CDC14B: variants seen among roughly 807,000 people sequenced by gnomAD.
The protein encoded by CDC14B is cell division cycle 14B.
Under a neutral mutation model 64.2 loss-of-function variants are expected in CDC14B, and 22 were observed. The observed-to-expected ratio is 0.34, with a 90% confidence interval of 0.24 to 0.49. The LOEUF (loss-of-function observed/expected upper bound fraction) is 0.49. CDC14B is among the 20% of genes least tolerant of loss of function. The pLI is 0.99. For synonymous variants in CDC14B, 191 were observed against 215.8 expected (o/e 0.89, Z 1.01); for missense variants, 498 against 629.9 (o/e 0.79, Z 2.24).
chr9:96,510,083 G>T (rs1834708520), intron 12 of CDC14B, among the ~76,000 whole-genome samples: 1 of 152,156 alleles, frequency 6.6e-6, no homozygotes, highest in Non-Finnish European at 1.5e-5. Context: ...ACCAGCTAAA[G>T]AAATCTTTGT....
At chr9:96,589,617 A>C (rs1845664990) in intron 1 of CDC14B, among the ~76,000 whole-genome samples, 1 of 152,178 alleles carries the variant, frequency 6.6e-6, no homozygotes, top group Non-Finnish European at 1.5e-5. Context: ...TAGAATATTA[A>C]GATTAGTCTG....
intron 5 of CDC14B, among the ~76,000 whole-genome samples, chr9:96,548,456 A>G (rs1477265707): frequency 1.3e-5 from 2 of 152,178 alleles, no homozygotes; most frequent in South Asian, 2.1e-4. Context: ...AATATTTAAT[A>G]TAACTCAATA....
rs759467017 is a variant in CDC14B at position 96,522,589 on chromosome 9, G to A, written c.1260C>T (p.Asp420=). 2.9e-5 allele frequency: 47 copies of A among 1,609,692 alleles called. No homozygotes were observed. The South Asian group carries it at 3.2e-4, about 11-fold the overall frequency. Residue 420 remains aspartate (D), a synonymous_variant, in exon 12 of 14, where the codon GAC becomes GAT. Transcript: ENST00000375241. The part of the protein sequence containing the change: ...QQEPEPYSDD[D]EINGVTQGDR... Reference sequence around the variant, plus strand: ...CACCTTGTGTCACTCCATTGATTTCGTCATCATCACTGTACTGTGTAAGTA... The same window carrying A: ...CACCTTGTGTCACTCCATTGATTTCATCATCATCACTGTACTGTGTAAGTA...
In CDC14B at chr9:96,547,833, G is replaced by GT. The variant is rs1309475699; in HGVS notation, c.497+3962dup. Among the ~76,000 whole-genome samples, 133 of 147,148 alleles carry GT rather than the reference G, an allele frequency of 9.0e-4. 1 individual carries two copies. The highest frequency in any genetic ancestry group is 2.0e-3 in the South Asian group (9 of 4,592). ...AGAATGTATTATTGTTTCTGTTTCT[G>GT]TTTTTTTTTTGAGATGGAGCCTCGC... is the stretch of plus-strand genomic sequence containing the variant. On this transcript the variant is annotated intron_variant, in intron 5 of 13. Transcript: ENST00000375241.
In CDC14B at chr9:96,503,702, T is replaced by C; in HGVS notation, c.*51A>G. 6.6e-7 allele frequency: 1 copy of C among 1,511,564 alleles called. No individual in the cohort carries two copies. The highest frequency in any genetic ancestry group is 9.1e-7 in the Non-Finnish European group (1 of 1,095,874). 93.6% of individuals were successfully genotyped at this position (1,511,564 alleles called of 1,614,324 possible). ...GTTTTCAAATTGTGCTAATTTCTGT[T>C]GCAGTTTTCAGTCCTAGAGTCTTCC... On this transcript the variant is annotated 3_prime_UTR_variant, in exon 14 of 14. Coordinates refer to ENST00000375241, the MANE Select transcript of CDC14B (RefSeq NM_033331.4).
chr9:96,561,481 CCT>C (rs915189413), intron 4 of CDC14B, among the ~76,000 whole-genome samples: 3 of 151,700 alleles, frequency 2.0e-5, no homozygotes, highest in African/African-American at 7.3e-5. Flanking sequence ...CAAAAACAAC[CCT>C]GTTTTTCTTT....
At chr9:96,494,187 C>G (rs1351634481) in intron 13 of CDC14B, among the ~76,000 whole-genome samples, 1 of 152,230 alleles carries the variant, frequency 6.6e-6, no homozygotes, top group Non-Finnish European at 1.5e-5. Flanking sequence ...AAACCAGATT[C>G]AGTCCCTGAG....
chr9:96,565,298 T>C (rs1278235515), intron 2 of CDC14B, 95 bp downstream of exon 2: 3 of 721,196 alleles, frequency 4.2e-6, no homozygotes, highest in African/African-American at 3.6e-5. Context: ...TAGCAATCAA[T>C]AGATTTATAA....
At chr9:96,543,161 C>T (rs1220503141) in intron 5 of CDC14B, among the ~76,000 whole-genome samples, 1 of 152,084 alleles carries the variant, frequency 6.6e-6, no homozygotes, top group African/African-American at 2.4e-5. Flanking sequence ...ACGGTGAAAC[C>T]CTGTCTCTAC....
chr9:96,523,517 A>G (rs1837079930), intron 10 of CDC14B, 70 bp downstream of exon 10: 1 of 1,603,716 alleles, frequency 6.2e-7, no homozygotes. Flanking sequence ...AAACTAAAGG[A>G]AATTCCACTC....
At chr9:96,617,875 T>G (rs1269941393) in intron 1 of CDC14B, among the ~76,000 whole-genome samples, 1 of 152,208 alleles carries the variant, frequency 6.6e-6, no homozygotes, top group Admixed American at 6.5e-5. Flanking sequence ...AGAAACTATG[T>G]ATAGGCCCAC....
chr9:96,523,956 C>T (rs900544002), intron 9 of CDC14B, among the ~76,000 whole-genome samples: 5 of 152,184 alleles, frequency 3.3e-5, no homozygotes, highest in East Asian at 3.8e-4. Flanking sequence ...ATTTTTGAGA[C>T]GGAGTCTCAC....
At chr9:96,579,222 A>C (rs549021297) in intron 1 of CDC14B, among the ~76,000 whole-genome samples, 1 of 152,298 alleles carries the variant, frequency 6.6e-6, no homozygotes, top group African/African-American at 2.4e-5. Flanking sequence ...ACGTGACTAC[A>C]GGGAATAGGG....
intron 1 of CDC14B, among the ~76,000 whole-genome samples, chr9:96,574,310 A>C (rs375921323): frequency 6.6e-6 from 1 of 152,202 alleles, no homozygotes; most frequent in Non-Finnish European, 1.5e-5. Context: ...GGGACATTAC[A>C]AATCAATGGG....
chr9:96,552,248 G>T (rs1841929284), intron 4 of CDC14B, among the ~76,000 whole-genome samples: 1 of 152,210 alleles, frequency 6.6e-6, no homozygotes. Flanking sequence ...TGGGGATGGG[G>T]TTAGACTGGG....
chr9:96,509,720 A>G lies in CDC14B; in HGVS notation c.1413T>C (p.Ile471=), dbSNP rs1439592043. The G allele has an allele frequency of 6.2e-7, 1 of 1,612,988 alleles. No individual in the cohort carries two copies. Among genetic ancestry groups the G allele is most frequent in the Non-Finnish European group, 8.5e-7 (1 of 1,179,110 alleles). Residue 471 remains isoleucine (I), a synonymous_variant, in exon 13 of 14, where the codon ATT becomes ATC. Coordinates refer to ENST00000375241, the MANE Select transcript of CDC14B (RefSeq NM_033331.4). Reference sequence around the variant, plus strand: ...AAGCAGATCTGGTGGTTCTTTTAGTAATGCCTGCACTGCCAGAAATGTTAG... The same window carrying G: ...AAGCAGATCTGGTGGTTCTTTTAGTGATGCCTGCACTGCCAGAAATGTTAG... ...SEPNISGSAG[I]TKRTTRSASR... is the part of the protein sequence containing the mutation.
At chr9:96,548,560 T>C (rs1841330303) in intron 5 of CDC14B, among the ~76,000 whole-genome samples, 1 of 152,148 alleles carries the variant, frequency 6.6e-6, no homozygotes, top group Admixed American at 6.6e-5. Context: ...CTCACCCCTG[T>C]AATCCCAGCA....
intron 5 of CDC14B, among the ~76,000 whole-genome samples, 188 bp downstream of exon 5, chr9:96,551,608 C>T (rs1044447505): frequency 5.3e-5 from 8 of 152,100 alleles, no homozygotes; most frequent in African/African-American, 1.2e-4. Context: ...AAACATGCTA[C>T]GACGCACAAG....
chr9:96,569,468 T>C (rs1236868415), intron 1 of CDC14B, among the ~76,000 whole-genome samples: 1 of 152,196 alleles, frequency 6.6e-6, no homozygotes, highest in Non-Finnish European at 1.5e-5. Flanking sequence ...GAGTATTTTA[T>C]ATATTACAGG....
Sources: allele counts gnomAD v4.1 joint callset (sites outside exome capture counted in the v4.1 genomes callset), GRCh38; gene constraint gnomAD v4.1.1; transcripts MANE v1.5; gene names NCBI Gene and HGNC (gene_info 2026-07-23, HGNC 2026-07-21).